The following ADGRL4 variants were observed in gnomAD, a reference collection of about 807,000 sequenced individuals.
ADGRL4 encodes EGF, latrophilin and seven transmembrane domain containing 1.
ADGRL4 carries 90 observed loss-of-function variants against 74.8 expected under a neutral mutation model. That is an observed-to-expected ratio of 1.20 (90% CI 1.02 to 1.43). The LOEUF is 1.43. ADGRL4 is among the 40% of genes most tolerant of loss of function. ADGRL4 has a pLI of 0.00. For missense variants in ADGRL4, 881 were observed against 814.3 expected, an observed-to-expected ratio of 1.08 and a Z score of -1.00; for synonymous variants, 311 against 279.2, an observed-to-expected ratio of 1.11 and a Z score of -1.14.
chr1:78,967,007 T>C (rs1226015634), intron 2 of ADGRL4, among the ~76,000 whole-genome samples: 1 of 152,128 alleles, frequency 6.6e-6, no homozygotes, highest in East Asian at 1.9e-4. Flanking sequence ...CTGTGTAGTA[T>C]GCGTTGTGTA....
Position 78,911,901 on chromosome 1 carries a change from G to A in ADGRL4, c.1749+5733C>T, listed in dbSNP as rs575065218. ...GCATATTAGGAACCCAAGGCTAGGC[G>A]TAGAAAAATAGCTTCAGAGAGATCA... is the stretch of plus-strand genomic sequence containing the variant. On this transcript the variant is annotated intron_variant, in intron 12 of 14. Coordinates refer to ENST00000370742, the MANE Select transcript of ADGRL4 (RefSeq NM_022159.4). 3.3e-5 allele frequency among the ~76,000 whole-genome samples: 5 copies of A among 151,970 alleles called. No individual in the cohort carries two copies. In the East Asian group the frequency reaches 5.8e-4, roughly 18 times the overall value.
At chr1:78,982,870 G>A (rs928865921) in intron 2 of ADGRL4, among the ~76,000 whole-genome samples, 3 of 151,812 alleles carry the variant, frequency 2.0e-5, no homozygotes, top group Non-Finnish European at 4.4e-5. Context: ...GTGCAAGGTC[G>A]AGCTAAGACT....
intron 12 of ADGRL4, among the ~76,000 whole-genome samples, chr1:78,900,384 G>A (rs560880726): frequency 4.3e-4 from 66 of 152,148 alleles, no homozygotes; most frequent in Non-Finnish European, 7.9e-4. Context: ...ACAGAACTGT[G>A]AGATAATACG....
intron 12 of ADGRL4, among the ~76,000 whole-genome samples, chr1:78,899,919 A>G (rs992624854): frequency 6.6e-6 from 1 of 152,180 alleles, no homozygotes; most frequent in Admixed American, 6.6e-5. Context: ...GAACCTGTGA[A>G]TATGGCAAAA....
intron 2 of ADGRL4, among the ~76,000 whole-genome samples, chr1:78,978,586 T>C (rs1426654619): frequency 6.7e-6 from 1 of 149,460 alleles, no homozygotes; most frequent in Non-Finnish European, 1.5e-5. Context: ...TATGTTTTCC[T>C]TTGAGCAGGA....
At chr1:78,951,025 A>G (rs964450019) in intron 2 of ADGRL4, among the ~76,000 whole-genome samples, 1 of 151,632 alleles carries the variant, frequency 6.6e-6, no homozygotes, top group African/African-American at 2.4e-5. Flanking sequence ...AAAGCTCACG[A>G]CTCCCTTCTT....
chr1:78,951,393 T>C (rs750549748), intron 2 of ADGRL4, among the ~76,000 whole-genome samples: 2 of 152,180 alleles, frequency 1.3e-5, no homozygotes, highest in African/African-American at 4.8e-5. Flanking sequence ...AAAAAGCCTT[T>C]GGGGTTTCAC....
At chr1:78,982,723 G>C (rs1162710219) in intron 2 of ADGRL4, among the ~76,000 whole-genome samples, 1 of 151,776 alleles carries the variant, frequency 6.6e-6, no homozygotes, top group Non-Finnish European at 1.5e-5. Context: ...CAGCATACTG[G>C]AAAATAAGAG....
At chr1:78,969,710 T>C (rs1234108661) in intron 2 of ADGRL4, among the ~76,000 whole-genome samples, 1 of 73,894 alleles carries the variant, frequency 1.4e-5, no homozygotes, top group African/African-American at 5.5e-5. Context: ...TTTGTGGGTT[T>C]TTTTTTTTTT....
intron 6 of ADGRL4, among the ~76,000 whole-genome samples, chr1:78,936,906 A>C (rs1021005751): frequency 2.0e-5 from 3 of 152,164 alleles, no homozygotes; most frequent in Non-Finnish European, 1.5e-5. Context: ...AATCCTGATG[A>C]GATTTTTGTA....
chr1:78,891,484 A>G lies in ADGRL4; in HGVS notation c.2010+40T>C, dbSNP rs748360221. 8 of 1,580,938 alleles carry G rather than the reference A, an allele frequency of 5.1e-6. No individual in the cohort carries two copies. The South Asian group carries it at 6.8e-5, about 14-fold the overall frequency. On this transcript the variant is annotated intron_variant, in intron 14 of 14. Coordinates refer to ENST00000370742, the MANE Select transcript of ADGRL4 (RefSeq NM_022159.4). ...CTATCAATTTGGCAACTGATGTTAC[A>G]TGAATATACTAGGAACCACCAAAAT...
intron 2 of ADGRL4, among the ~76,000 whole-genome samples, chr1:79,000,971 A>G (rs562235006): frequency 6.6e-6 from 1 of 152,154 alleles, no homozygotes; most frequent in Non-Finnish European, 1.5e-5. Flanking sequence ...TTTTAGTAAC[A>G]TATCTTGTAC....
At chr1:78,961,168 G>A (rs1169644236) in intron 2 of ADGRL4, among the ~76,000 whole-genome samples, 2 of 151,472 alleles carry the variant, frequency 1.3e-5, no homozygotes, top group Non-Finnish European at 2.9e-5. Flanking sequence ...TGCAACCTCC[G>A]CCTCCTGGGT....
chr1:78,972,303 A>G (rs1007156110), intron 2 of ADGRL4, among the ~76,000 whole-genome samples: 1 of 152,186 alleles, frequency 6.6e-6, no homozygotes, highest in Admixed American at 6.6e-5. Context: ...CTTAGCTCTA[A>G]TATTTATGGA....
chr1:78,976,654 A>C (rs2100722239), intron 2 of ADGRL4, among the ~76,000 whole-genome samples: 1 of 151,058 alleles, frequency 6.6e-6, no homozygotes, highest in South Asian at 2.1e-4. Flanking sequence ...GAATCTTTAT[A>C]AAAAAGTTTG....
Position 78,904,487 on chromosome 1 carries a change from T to C in ADGRL4, c.1750-11298A>G, listed in dbSNP as rs897494166. 2.0e-5 allele frequency among the ~76,000 whole-genome samples: 3 copies of C among 152,118 alleles called. No homozygotes were observed. The East Asian group carries it at 5.8e-4, about 29-fold the overall frequency. Reference sequence around the variant, plus strand: ...GTTTTACAATATACTTTATATACTGTATAAGATAATTTATATAAAATATTA... The same window carrying C: ...GTTTTACAATATACTTTATATACTGCATAAGATAATTTATATAAAATATTA... On this transcript the variant is annotated intron_variant, in intron 12 of 14. Coordinates refer to ENST00000370742, the MANE Select transcript of ADGRL4 (RefSeq NM_022159.4).
chr1:78,929,267 A>T (rs895623761), intron 7 of ADGRL4, among the ~76,000 whole-genome samples: 1 of 151,340 alleles, frequency 6.6e-6, no homozygotes, highest in Non-Finnish European at 1.5e-5. Context: ...TGTAATCCCA[A>T]CACTTTGGGA....
At chr1:78,990,396 A>C (rs769549865) in intron 2 of ADGRL4, among the ~76,000 whole-genome samples, 2 of 151,916 alleles carry the variant, frequency 1.3e-5, no homozygotes, top group East Asian at 3.9e-4. Flanking sequence ...GGAATCTTCT[A>C]TTAAAAAGCT....
At position 78,892,117 on chromosome 1, in the gene ADGRL4, T is replaced by C. The variant is rs142128468; in HGVS notation, c.1842-425A>G. Among the ~76,000 whole-genome samples the C allele has an allele frequency of 6.9e-3, 1,057 of 152,218 alleles. 6 individuals are homozygous for C. Among genetic ancestry groups the C allele is most frequent in the Non-Finnish European group, 9.3e-3 (634 of 67,984 alleles). On this transcript the variant is annotated intron_variant, in intron 13 of 14. Coordinates refer to ENST00000370742, the MANE Select transcript of ADGRL4 (RefSeq NM_022159.4). ...CGAAAAGAAAGTATACCATGTGGAC[T>C]GGGGTCAGCACATATCTACTACATC...
Sources: gnomAD v4.1 joint callset for allele counts (sites outside exome capture counted in the v4.1 genomes callset) on GRCh38, gnomAD v4.1.1 for gene constraint, MANE v1.5 for transcripts, NCBI Gene and HGNC (gene_info 2026-07-23, HGNC 2026-07-21) for gene names.